The following ACSM3 variants were observed in gnomAD, a reference collection of about 807,000 sequenced individuals.
ACSM3 encodes the protein acyl-coenzyme A synthetase ACSM3, mitochondrial.
ACSM3 carries 61 observed loss-of-function variants against 74.1 expected under a neutral mutation model. That is an observed-to-expected ratio of 0.82 (90% CI 0.67 to 1.02). The LOEUF (loss-of-function observed/expected upper bound fraction) is 1.02, where lower values mean the gene tolerates loss of function less well. ACSM3 is among the 50% of genes least tolerant of loss of function. The pLI, the probability that ACSM3 is intolerant of heterozygous loss-of-function variation, is 0.00. For synonymous variants in ACSM3, 213 were observed against 241.5 expected (o/e 0.88, Z 1.09); for missense variants, 660 against 697.0 (o/e 0.95, Z 0.60).
At chr16:20,676,026 T>C (rs1175759189) in intron 1 of ACSM3, 1 of 152,182 alleles carries the variant, frequency 6.6e-6, no homozygotes, top group African/African-American at 2.4e-5. Context: ...CAGGAGGGAA[T>C]AGAGACCCCT....
chr16:20,795,758 G>C (rs1477486498), intron 12 of ACSM3, among the ~76,000 whole-genome samples: 1 of 152,218 alleles, frequency 6.6e-6, no homozygotes, highest in Non-Finnish European at 1.5e-5. Context: ...AGTCCTGGTA[G>C]TGCCCTAGGA....
intron 7 of ACSM3, among the ~76,000 whole-genome samples, chr16:20,784,129 A>T (rs2080416817): frequency 6.6e-6 from 1 of 152,122 alleles, no homozygotes. Context: ...TATAAACATA[A>T]ATGGTATCAC....
At position 20,792,347 on chromosome 16, in the gene ACSM3, G is replaced by A; in HGVS notation, c.1554+12G>A. 5.0e-6 allele frequency: 8 copies of A among 1,613,444 alleles called. No homozygotes were observed. Among genetic ancestry groups the A allele is most frequent in the Non-Finnish European group, 6.8e-6 (8 of 1,179,506 alleles). On this transcript the variant is annotated intron_variant, in intron 12 of 13. Coordinates refer to ENST00000289416, the MANE Select transcript of ACSM3 (RefSeq NM_005622.4). ...CCATCAGAGGAGAGGTAAAAGAACTGATTCATGTCAACTTTATAATTTGTT... is the reference window on the plus strand; with the variant it reads ...CCATCAGAGGAGAGGTAAAAGAACTAATTCATGTCAACTTTATAATTTGTT...
At chr16:20,695,333 C>T (rs1308731275) in intron 1 of ACSM3, among the ~76,000 whole-genome samples, 2 of 152,092 alleles carry the variant, frequency 1.3e-5, no homozygotes, top group East Asian at 1.9e-4. Flanking sequence ...GATAAATGCA[C>T]GATATCCTGC....
chr16:20,752,212 C>T (rs887272690), intron 2 of ACSM3, among the ~76,000 whole-genome samples: 5 of 152,000 alleles, frequency 3.3e-5, no homozygotes, highest in Non-Finnish European at 1.5e-5. Flanking sequence ...AGTGGTCATT[C>T]TCTTCTACTC....
chr16:20,757,066 C>T (rs948856513), intron 3 of ACSM3, among the ~76,000 whole-genome samples: 5 of 150,926 alleles, frequency 3.3e-5, no homozygotes, highest in African/African-American at 7.3e-5. Flanking sequence ...AGTCAGGTAG[C>T]GTGATGCCTC....
At chr16:20,737,650 C>A in intron 1 of ACSM3, 1 of 1,518,182 alleles carries the variant, frequency 6.6e-7, no homozygotes, top group Non-Finnish European at 8.8e-7. Flanking sequence ...GAAAAAAATC[C>A]TTAAAAAACA....
chr16:20,753,429 A>C (rs1046878861), intron 2 of ACSM3, among the ~76,000 whole-genome samples: 2 of 144,150 alleles, frequency 1.4e-5, no homozygotes, highest in Non-Finnish European at 3.0e-5. Context: ...GCACCACTGC[A>C]CTCCAGCCTG....
At chr16:20,707,218 A>G (rs553052798) in intron 1 of ACSM3, among the ~76,000 whole-genome samples, 17 of 151,914 alleles carry the variant, frequency 1.1e-4, no homozygotes, top group Non-Finnish European at 1.6e-4. Context: ...CTGAATCTCA[A>G]CTCCAACTTA....
At chr16:20,760,689 T>C (rs1308920478), upstream of ACSM3, among the ~76,000 whole-genome samples, 1 of 152,154 alleles carries the variant, frequency 6.6e-6, no homozygotes, top group Non-Finnish European at 1.5e-5. Context: ...GCTGTTAATA[T>C]TCTCTTTTAA....
intron 1 of ACSM3, chr16:20,680,501 C>G (rs1208370010): frequency 6.6e-6 from 1 of 152,182 alleles, no homozygotes; most frequent in Non-Finnish European, 1.5e-5. Context: ...CCATGGGAGG[C>G]AAAGGAATTA....
At chr16:20,747,017 C>T (rs12102421) in intron 1 of ACSM3, among the ~76,000 whole-genome samples, 2,841 of 152,020 alleles carry the variant, frequency 0.019, 82 homozygotes, top group African/African-American at 0.064. Context: ...CTTCCCACTC[C>T]TTTGAGATTT....
chr16:20,699,493 T>C (rs1399372666), intron 1 of ACSM3, among the ~76,000 whole-genome samples: 1 of 151,906 alleles, frequency 6.6e-6, no homozygotes, highest in East Asian at 1.9e-4. Context: ...ACTGGAGAGG[T>C]GAGAAGGCAG....
At chr16:20,757,407 G>A (rs1236941223) in intron 3 of ACSM3, among the ~76,000 whole-genome samples, 3 of 151,520 alleles carry the variant, frequency 2.0e-5, no homozygotes, top group Non-Finnish European at 2.9e-5. Context: ...ATTGTGAATG[G>A]GAGTTCACTC....
In ACSM3 at chr16:20,776,546, A is replaced by G. The variant is rs115558549; in HGVS notation, c.430+497A>G. Among the ~76,000 whole-genome samples, 170 of 152,330 alleles carry G rather than the reference A, an allele frequency of 1.1e-3. 1 individual carries two copies. The highest frequency in any genetic ancestry group is 3.9e-3 in the African/African-American group (161 of 41,590). ...GGTGGGGCCCAGGAGGAAGATCTAT[A>G]TATTTTTGAGAGTCCATTTATCCTT... On this transcript the variant is annotated intron_variant, in intron 3 of 13. Transcript: ENST00000289416.
At chr16:20,682,329 G>T (rs2079463066) in intron 1 of ACSM3, 4 of 1,613,996 alleles carry the variant, frequency 2.5e-6, no homozygotes, top group Middle Eastern at 1.7e-4. Context: ...TTCAGAGAGG[G>T]GCACTGAGAA....
intron 2 of ACSM3, among the ~76,000 whole-genome samples, chr16:20,771,520 C>T (rs2080194179): frequency 6.6e-6 from 1 of 151,930 alleles, no homozygotes; most frequent in Non-Finnish European, 1.5e-5. Context: ...TTTCACTTAA[C>T]ATAATGTCCT....
At chr16:20,782,403 C>T (rs2080371865) in intron 7 of ACSM3, among the ~76,000 whole-genome samples, 1 of 152,156 alleles carries the variant, frequency 6.6e-6, no homozygotes. Context: ...ACCTCCCACC[C>T]TTTCCCCAGA....
At chr16:20,705,482 A>G (rs1249018574) in intron 1 of ACSM3, among the ~76,000 whole-genome samples, 1 of 152,198 alleles carries the variant, frequency 6.6e-6, no homozygotes, top group Non-Finnish European at 1.5e-5. Context: ...TGAGTTTTCA[A>G]TTTTTATGGA....
Sources: allele counts gnomAD v4.1 joint callset (sites outside exome capture counted in the v4.1 genomes callset), GRCh38; gene constraint gnomAD v4.1.1; transcripts MANE v1.5; gene names NCBI Gene and HGNC (gene_info 2026-07-23, HGNC 2026-07-21).